Variants in PTPRZ1 observed in about 807,000 individuals in gnomAD.
PTPRZ1 encodes the protein protein tyrosine phosphatase receptor type Z1.
PTPRZ1 carries 82 observed loss-of-function variants against 214.1 expected under a neutral mutation model. That is an observed-to-expected ratio of 0.38 (90% CI 0.32 to 0.46). The LOEUF (loss-of-function observed/expected upper bound fraction) is 0.46, where lower values mean the gene tolerates loss of function less well. Among genes scored for constraint, PTPRZ1 ranks in the 20% least tolerant of loss-of-function variants. The pLI, the probability that PTPRZ1 is intolerant of heterozygous loss-of-function variation, is 1.00. For synonymous variants in PTPRZ1, 945 were observed against 987.9 expected, an observed-to-expected ratio of 0.96 and a Z score of 0.81; for missense variants, 2,603 against 2,748.7, an observed-to-expected ratio of 0.95 and a Z score of 1.19.
intron 8 of PTPRZ1, among the ~76,000 whole-genome samples, chr7:121,989,068 A>C (rs1797857428): frequency 6.6e-6 from 1 of 152,184 alleles, no homozygotes; most frequent in South Asian, 2.1e-4. Context: ...GACTCTGTTG[A>C]TCCTCTGTAA....
chr7:121,999,477 G>A (rs1483174163), intron 10 of PTPRZ1, among the ~76,000 whole-genome samples: 1 of 152,116 alleles, frequency 6.6e-6, no homozygotes, highest in African/African-American at 2.4e-5. Flanking sequence ...AACACCATAT[G>A]TGAATTGATT....
At position 122,038,769 on chromosome 7, in the gene PTPRZ1, A is replaced by G. The variant is rs1584767436; in HGVS notation, c.5382A>G (p.Pro1794=). ...TAATTCTTCAGGGCTACAACAGACCAAAAGCTTATATTGCTGCCCAAGGCC... is the reference window on the plus strand; with the variant it reads ...TAATTCTTCAGGGCTACAACAGACCGAAAGCTTATATTGCTGCCCAAGGCC... The part of the protein sequence containing the change: ...NANYVDGYNR[P]KAYIAAQGPL... Residue 1794 remains proline (P), a synonymous_variant, in exon 19 of 30, where the codon CCA becomes CCG. Transcript: ENST00000393386. 1.2e-6 allele frequency: 2 copies of G among 1,613,714 alleles called. No homozygotes were observed. The highest frequency in any genetic ancestry group is 2.2e-5 in the East Asian group (1 of 44,830).
At chr7:121,981,950 GT>G (rs896387482) in intron 6 of PTPRZ1, among the ~76,000 whole-genome samples, 1 of 151,906 alleles carries the variant, frequency 6.6e-6, no homozygotes, top group Admixed American at 6.6e-5. Context: ...TATTTTTTGT[GT>G]GCCATTTCAG....
At chr7:122,042,807 G>A in intron 22 of PTPRZ1, 64 bp downstream of exon 22, 2 of 1,521,432 alleles carry the variant, frequency 1.3e-6, no homozygotes, top group East Asian at 4.5e-5. Context: ...AAATGTAGGT[G>A]TATTCATCTC....
intron 2 of PTPRZ1, among the ~76,000 whole-genome samples, chr7:121,931,642 C>T (rs935176639): frequency 6.6e-6 from 1 of 152,020 alleles, no homozygotes; most frequent in Non-Finnish European, 1.5e-5. Context: ...ACAGTTTTAC[C>T]AGGGTTTCAG....
At chr7:122,028,728 C>A in intron 14 of PTPRZ1, 85 bp downstream of exon 14, 1 of 1,033,854 alleles carries the variant, frequency 9.7e-7, no homozygotes, top group Non-Finnish European at 1.5e-6. Context: ...TATCGGGACA[C>A]TATGCAAATT....
At chr7:121,902,319 T>C (rs1207112694) in intron 1 of PTPRZ1, among the ~76,000 whole-genome samples, 1 of 152,216 alleles carries the variant, frequency 6.6e-6, no homozygotes, top group Non-Finnish European at 1.5e-5. Flanking sequence ...GGAGTGCAGA[T>C]ATATCTTTGA....
chr7:121,956,016 T>G (rs1042932660), intron 2 of PTPRZ1, among the ~76,000 whole-genome samples: 1 of 152,036 alleles, frequency 6.6e-6, no homozygotes, highest in African/African-American at 2.4e-5. Flanking sequence ...TTACCTTTCT[T>G]TCCCCATACC....
In PTPRZ1 at chr7:122,051,893, C is replaced by A; in HGVS notation, c.6206C>A (p.Ser2069Tyr). 1.2e-6 allele frequency: 2 copies of A among 1,612,306 alleles called. No individual in the cohort carries two copies. The highest frequency in any genetic ancestry group is 1.7e-6 in the Non-Finnish European group (2 of 1,179,564). The change falls in exon 25 of 30, where the codon TCC (serine) becomes TAC (tyrosine). Residue 2069 changes from serine to tyrosine, a missense_variant. Physicochemically the swap from Ser to Tyr is moderately radical, Grantham distance 144. Transcript: ENST00000393386. ...PVERSRVGIS[S>Y]LSGEGTDYIN... ...GAAAGATCAAGGGTTGGCATTTCAT[C>A]CCTGAGTGGAGAAGGCACAGACTAC...
intron 2 of PTPRZ1, among the ~76,000 whole-genome samples, chr7:121,950,550 T>A (rs982630972): frequency 1.3e-5 from 2 of 152,218 alleles, no homozygotes; most frequent in African/African-American, 4.8e-5. Context: ...AGGGGACTGG[T>A]GATCTGGCTC....
At position 122,034,134 on chromosome 7, in the gene PTPRZ1, GCA is replaced by G. The variant is rs1289574348; in HGVS notation, c.5187+20_5187+21del. The G allele has an allele frequency of 6.3e-7, 1 of 1,589,518 alleles. No homozygotes were observed. Among genetic ancestry groups the G allele is most frequent in the Non-Finnish European group, 8.6e-7 (1 of 1,158,892 alleles). ...TTACCAGGTAAGGCATTATTTCACT[GCA>G]TTTTCTTTTAGCCAAGAAGTAGTTG... On this transcript the variant is annotated intron_variant, in intron 16 of 29. Coordinates refer to ENST00000393386, the MANE Select transcript of PTPRZ1 (RefSeq NM_002851.3).
intron 2 of PTPRZ1, among the ~76,000 whole-genome samples, chr7:121,940,349 G>C (rs1040653402): frequency 9.9e-5 from 15 of 152,202 alleles, no homozygotes; most frequent in African/African-American, 3.6e-4. Context: ...ACAGCTTCAA[G>C]TTGATAGGAT....
intron 1 of PTPRZ1, among the ~76,000 whole-genome samples, 194 bp downstream of exon 1, chr7:121,873,751 C>T (rs1793960767): frequency 6.6e-6 from 1 of 151,986 alleles, no homozygotes; most frequent in Non-Finnish European, 1.5e-5. Context: ...GCCCCCTCCC[C>T]GCCCCGCGCC....
At chr7:121,976,720 C>A (rs1364074363) in intron 5 of PTPRZ1, 65 bp from the exon 6 acceptor site, 1 of 1,277,232 alleles carries the variant, frequency 7.8e-7, no homozygotes. Flanking sequence ...TTAATCTTCA[C>A]ATTTTTATTG....
intron 1 of PTPRZ1, among the ~76,000 whole-genome samples, chr7:121,892,148 C>A (rs1794649533): frequency 6.6e-6 from 1 of 151,978 alleles, no homozygotes; most frequent in Non-Finnish European, 1.5e-5. Flanking sequence ...TGGGCTGTTC[C>A]TTGAAGCAAT....
chr7:121,943,006 G>A (rs1050968275), intron 2 of PTPRZ1, among the ~76,000 whole-genome samples: 1 of 152,118 alleles, frequency 6.6e-6, no homozygotes, highest in Non-Finnish European at 1.5e-5. Flanking sequence ...AAGATTGTAT[G>A]TTACAGGTTC....
At chr7:121,983,401 C>G (rs975628147) in intron 6 of PTPRZ1, among the ~76,000 whole-genome samples, 2 of 152,156 alleles carry the variant, frequency 1.3e-5, no homozygotes, top group Admixed American at 6.5e-5. Context: ...AGATGATCAT[C>G]TGATTTCTGA....
At chr7:122,025,434 A>G (rs1799182419) in intron 13 of PTPRZ1, among the ~76,000 whole-genome samples, 1 of 151,504 alleles carries the variant, frequency 6.6e-6, no homozygotes, top group African/African-American at 2.4e-5. Context: ...GGTTCAAGCA[A>G]TTCTTCTGCC....
intron 27 of PTPRZ1, among the ~76,000 whole-genome samples, chr7:122,056,897 T>C (rs1792366140): frequency 6.6e-6 from 1 of 151,970 alleles, no homozygotes; most frequent in South Asian, 2.1e-4. Flanking sequence ...TAAATATCTG[T>C]GAACTTTATA....
Sources: allele counts gnomAD v4.1 joint callset (sites outside exome capture counted in the v4.1 genomes callset), GRCh38; gene constraint gnomAD v4.1.1; transcripts MANE v1.5; gene names NCBI Gene and HGNC (gene_info 2026-07-23, HGNC 2026-07-21).